The following LDB3 variants were observed in gnomAD, a reference collection of about 807,000 sequenced individuals.
The protein encoded by LDB3 is LIM domain binding 3.
LDB3 carries 49 observed loss-of-function variants against 69.0 expected under a neutral mutation model. The ratio of observed to expected loss-of-function variants is 0.71; its 90% CI spans 0.56 to 0.90. The LOEUF is 0.90. LDB3 is among the 40% of genes least tolerant of loss of function. LDB3 has a pLI of 0.00. For missense variants in LDB3, 928 were observed against 974.1 expected, an observed-to-expected ratio of 0.95 and a Z score of 0.63; for synonymous variants, 387 against 396.2, an observed-to-expected ratio of 0.98 and a Z score of 0.28.
At chr10:86,711,685 C>T (rs963252326) in intron 9 of LDB3, among the ~76,000 whole-genome samples, 5 of 151,566 alleles carry the variant, frequency 3.3e-5, no homozygotes, top group African/African-American at 1.2e-4. Context: ...GGGCCGAGGG[C>T]GGCGTTCGCA....
chr10:86,687,156 C>T lies in LDB3; in HGVS notation c.690-4740C>T, dbSNP rs558590519. 1.8e-5 allele frequency: 29 copies of T among 1,614,210 alleles called. No homozygotes were observed. The South Asian group carries it at 2.0e-4, about 11-fold the overall frequency. On this transcript the variant is annotated intron_variant, in intron 5 of 13. Transcript: ENST00000361373. ...AGCCCATCGAGGTGAAGGGGCTGGG[C>T]GGCAAGGCCACCATCATCCATGCGC...
chr10:86,712,433 G>C (rs1365431886), intron 9 of LDB3, among the ~76,000 whole-genome samples: 2 of 152,206 alleles, frequency 1.3e-5, no homozygotes, highest in East Asian at 3.9e-4. Flanking sequence ...ACTAAAGCCT[G>C]TTTTGCTGCT....
At chr10:86,720,628 G>A (rs1036927598) in intron 12 of LDB3, among the ~76,000 whole-genome samples, 3 of 152,034 alleles carry the variant, frequency 2.0e-5, no homozygotes, top group African/African-American at 7.2e-5. Context: ...GATATTGATC[G>A]GTAGTTAAAG....
At chr10:86,705,922 C>G (rs1373395345) in intron 7 of LDB3, among the ~76,000 whole-genome samples, 2 of 152,186 alleles carry the variant, frequency 1.3e-5, no homozygotes, top group African/African-American at 4.8e-5. Context: ...ACAGGGGCTT[C>G]TATTCTTGAA....
chr10:86,679,214 C>T lies in LDB3; in HGVS notation c.94-153C>T, dbSNP rs1360390220. 2.0e-5 allele frequency among the ~76,000 whole-genome samples: 3 copies of T among 152,194 alleles called. No individual in the cohort carries two copies. The East Asian group carries it at 5.8e-4, about 29-fold the overall frequency. ...GGTAGTCATGTGCCGGAAAGAGGAA[C>T]TAGGCTTGGTTAGCAGCTGGTACTG... is the stretch of plus-strand genomic sequence containing the variant. On this transcript the variant is annotated intron_variant, in intron 2 of 13. Coordinates refer to ENST00000361373, the MANE Select transcript of LDB3 (RefSeq NM_007078.3).
upstream of LDB3, chr10:86,666,789 C>T (rs1428260373): frequency 4.2e-6 from 2 of 471,022 alleles, no homozygotes; most frequent in East Asian, 7.0e-5. Context: ...CCTCCCTTTC[C>T]CCAGAGGCGA....
chr10:86,716,017 C>G (rs1381493298), intron 9 of LDB3, among the ~76,000 whole-genome samples: 1 of 148,822 alleles, frequency 6.7e-6, no homozygotes, highest in Non-Finnish European at 1.5e-5. Flanking sequence ...CACTCTGCGT[C>G]TTATGCAGGC....
intron 13 of LDB3, among the ~76,000 whole-genome samples, chr10:86,731,521 C>T (rs1286095460): frequency 1.3e-5 from 2 of 152,048 alleles, no homozygotes; most frequent in Non-Finnish European, 2.9e-5. Flanking sequence ...CCATGCCTGG[C>T]CCATCTCTCT....
chr10:86,673,286 C>G (rs2354357), intron 2 of LDB3, among the ~76,000 whole-genome samples: 89,504 of 152,118 alleles, frequency 0.59, 27,047 homozygotes, highest in East Asian at 0.77. Context: ...TGGTCAGCTA[C>G]AGAGGGGGCA....
intron 12 of LDB3, among the ~76,000 whole-genome samples, chr10:86,720,580 G>A (rs918322843): frequency 4.6e-5 from 7 of 152,322 alleles, no homozygotes; most frequent in African/African-American, 1.7e-4. Context: ...GTAAAAGGGA[G>A]AAGATAATAC....
chr10:86,710,275 G>A (rs1344392733), intron 9 of LDB3: 13 of 984,530 alleles, frequency 1.3e-5, no homozygotes, highest in Non-Finnish European at 1.6e-5. Context: ...TGATTCTAAG[G>A]GAGAGCGAAG....
chr10:86,668,579 G>C lies in LDB3; in HGVS notation c.-24+9G>C, dbSNP rs1046502679. The C allele has an allele frequency of 4.6e-6, 4 of 867,368 alleles. No individual in the cohort carries two copies. In the African/African-American group the frequency reaches 4.9e-5, roughly 11 times the overall value. 53.7% of individuals were successfully genotyped at this position (867,368 alleles called of 1,614,324 possible). ...AGCAAGGGACAGAACAGGCAAGGCT[G>C]GGGGTCAGGGGCAGGGGCAGAGGTG... On this transcript the variant is annotated intron_variant, in intron 1 of 13. Transcript: ENST00000361373.
At chr10:86,725,271 C>T (rs549109291) in intron 12 of LDB3, among the ~76,000 whole-genome samples, 1 of 152,218 alleles carries the variant, frequency 6.6e-6, no homozygotes, top group Non-Finnish European at 1.5e-5. Flanking sequence ...ACCTGACCCA[C>T]TGTGCTTCAG....
At chr10:86,673,315 C>A (rs949549600) in intron 2 of LDB3, among the ~76,000 whole-genome samples, 2 of 152,172 alleles carry the variant, frequency 1.3e-5, no homozygotes, top group Non-Finnish European at 2.9e-5. Flanking sequence ...TGGCTTTGGA[C>A]ACAGAAGGTC....
Position 86,692,028 on chromosome 10 carries a change from C to T in LDB3, c.822C>T (p.Ser274=), listed in dbSNP as rs1402562905. ...ARRSSNLQSR[S]FRILAQMTGT... is the part of the protein sequence containing the mutation. ...GTTCCTCCAACCTGCAGTCTCGCTC[C>T]TTCCGCATCCTGGCCCAGATGACGG... The change falls in exon 6 of 14, where the codon TCC becomes TCT. Residue 274 remains serine (S), a synonymous_variant. Coordinates refer to ENST00000361373, the MANE Select transcript of LDB3 (RefSeq NM_007078.3). 6.2e-7 allele frequency: 1 copy of T among 1,614,180 alleles called. No homozygotes were observed. Among genetic ancestry groups the T allele is most frequent in the Non-Finnish European group, 8.5e-7 (1 of 1,180,050 alleles).
At chr10:86,708,977 G>A (rs572401649) in intron 8 of LDB3, among the ~76,000 whole-genome samples, 1 of 152,342 alleles carries the variant, frequency 6.6e-6, no homozygotes, top group Non-Finnish European at 1.5e-5. Context: ...GTGGCAGGCA[G>A]GGCTCACTTC....
At chr10:86,671,584 C>A (rs1235903037) in intron 2 of LDB3, among the ~76,000 whole-genome samples, 1 of 152,286 alleles carries the variant, frequency 6.6e-6, no homozygotes, top group East Asian at 1.9e-4. Flanking sequence ...CCCACCCCAG[C>A]CAGTTCTCCA....
rs568766889 is a variant in LDB3 at position 86,720,317 on chromosome 10, G to A, written c.1978+1470G>A. Among the ~76,000 whole-genome samples, 63 of 152,182 alleles carry A rather than the reference G, an allele frequency of 4.1e-4. 1 individual carries two copies. In the South Asian group the frequency reaches 0.012, roughly 30 times the overall value. Reference sequence around the variant, plus strand: ...AAATTAGCCGAGCATGATGGCGGGCGTCTGTAATCCCAGCTACTCGGGAGG... The same window carrying A: ...AAATTAGCCGAGCATGATGGCGGGCATCTGTAATCCCAGCTACTCGGGAGG... On this transcript the variant is annotated intron_variant, in intron 12 of 13. Coordinates refer to ENST00000361373, the MANE Select transcript of LDB3 (RefSeq NM_007078.3).
intron 12 of LDB3, among the ~76,000 whole-genome samples, chr10:86,720,339 G>T (rs1027088904): frequency 1.3e-5 from 2 of 152,194 alleles, no homozygotes; most frequent in East Asian, 3.9e-4. Context: ...AGCTACTCGG[G>T]AGGCTGAGGT....
Sources: gnomAD v4.1 joint callset for allele counts (sites outside exome capture counted in the v4.1 genomes callset) on GRCh38, gnomAD v4.1.1 for gene constraint, MANE v1.5 for transcripts, NCBI Gene and HGNC (gene_info 2026-07-23, HGNC 2026-07-21) for gene names.